PXDNL: variants seen among roughly 807,000 people sequenced by gnomAD.
PXDNL encodes probable oxidoreductase PXDNL.
PXDNL carries 145 observed loss-of-function variants against 150.8 expected under a neutral mutation model. The ratio of observed to expected loss-of-function variants is 0.96; its 90% CI spans 0.84 to 1.10. The LOEUF is 1.10. PXDNL is among the 50% of genes least tolerant of loss of function. PXDNL has a pLI of 0.00. For synonymous variants in PXDNL, 757 were observed against 725.7 expected, an observed-to-expected ratio of 1.04 and a Z score of -0.69; for missense variants, 2,087 against 1,873.9, an observed-to-expected ratio of 1.11 and a Z score of -2.10.
At chr8:51,487,131 T>A (rs186383020) in intron 5 of PXDNL, among the ~76,000 whole-genome samples, 2 of 152,062 alleles carry the variant, frequency 1.3e-5, no homozygotes, top group Non-Finnish European at 2.9e-5. Flanking sequence ...CTGTCTTCTG[T>A]CAAAGATGCT....
chr8:51,670,563 AAT>A (rs1273084751), intron 1 of PXDNL, among the ~76,000 whole-genome samples: 3 of 152,212 alleles, frequency 2.0e-5, no homozygotes, highest in African/African-American at 7.2e-5. Flanking sequence ...GTATAATAAA[AAT>A]ATGATATTAT....
chr8:51,398,648 G>A (rs988747205), intron 17 of PXDNL, among the ~76,000 whole-genome samples: 1 of 152,208 alleles, frequency 6.6e-6, no homozygotes, highest in South Asian at 2.1e-4. Context: ...CGGAGCTTAG[G>A]CAACATTCCT....
At position 51,583,379 on chromosome 8, in the gene PXDNL, G is replaced by A. The variant is rs1585598073; in HGVS notation, c.308+9248C>T. Among the ~76,000 whole-genome samples, 3 of 152,220 alleles carry A rather than the reference G, an allele frequency of 2.0e-5. No homozygotes were observed. The South Asian group carries it at 6.2e-4, about 32-fold the overall frequency. On this transcript the variant is annotated intron_variant, in intron 3 of 22. Transcript: ENST00000356297. ...GCTTCCTTATCAATCTTGAAAGGTT[G>A]CATGTTTCTAGAAATCTCTTTCTTC...
At position 51,730,103 on chromosome 8, in the gene PXDNL, C is replaced by A. The variant is rs561840926; in HGVS notation, c.165-75343G>T. On this transcript the variant is annotated intron_variant, in intron 1 of 22. Transcript: ENST00000356297. ...CCCTAGAGTGTACACCAAGAGTGAA[C>A]CCAAGTGATAACTATGAACTTTAAG... is the stretch of plus-strand genomic sequence containing the variant. Among the ~76,000 whole-genome samples the A allele has an allele frequency of 3.3e-5, 5 of 152,168 alleles. No homozygotes were observed. In the East Asian group the frequency reaches 9.6e-4, roughly 29 times the overall value.
intron 19 of PXDNL, among the ~76,000 whole-genome samples, chr8:51,355,799 G>T (rs79234892): frequency 0.017 from 2,588 of 152,268 alleles, 85 homozygotes; most frequent in African/African-American, 0.059. Context: ...ATTATGCAAA[G>T]ACTCTTGATC....
intron 21 of PXDNL, among the ~76,000 whole-genome samples, chr8:51,337,329 T>A (rs1255683936): frequency 1.3e-5 from 2 of 152,162 alleles, no homozygotes; most frequent in South Asian, 2.1e-4. Flanking sequence ...TAAATTAAAT[T>A]TATGAAAAAA....
Position 51,447,048 on chromosome 8 carries a change from A to T in PXDNL, c.1481T>A (p.Leu494Ter). ...CTGCACAGACACCTTTTTCACCCCC[A>T]ACGAACTGACTGCTTGACATTCATA... ...GQYECQAVSS[L>*]GVKKVSVQLT... Residue 494 changes from leucine to a stop codon, truncating the protein, a stop_gained, in exon 12 of 23, where the codon TTG (leucine) becomes TAG (stop). Transcript: ENST00000356297. LOFTEE classifies it high-confidence loss of function. 1 of 1,613,912 alleles carries T rather than the reference A, an allele frequency of 6.2e-7. No individual in the cohort carries two copies. The highest frequency in any genetic ancestry group is 8.5e-7 in the Non-Finnish European group (1 of 1,179,870).
chr8:51,739,862 C>G (rs540017643), intron 1 of PXDNL, among the ~76,000 whole-genome samples: 1 of 118,094 alleles, frequency 8.5e-6, no homozygotes, highest in East Asian at 2.5e-4. Flanking sequence ...AGAAAAAGAG[C>G]GAGATTCTGT....
At chr8:51,541,254 A>T (rs1812210643) in intron 4 of PXDNL, among the ~76,000 whole-genome samples, 1 of 44,338 alleles carries the variant, frequency 2.3e-5, no homozygotes, top group South Asian at 6.9e-4. Context: ...GAGACTCCAT[A>T]AAAAAAAAAA....
intron 1 of PXDNL, among the ~76,000 whole-genome samples, chr8:51,709,743 T>C (rs1424391139): frequency 6.6e-6 from 1 of 152,222 alleles, no homozygotes; most frequent in East Asian, 1.9e-4. Flanking sequence ...AGGATATCCA[T>C]GTACTTAACT....
At chr8:51,661,707 G>A (rs1281579020) in intron 1 of PXDNL, among the ~76,000 whole-genome samples, 1 of 152,138 alleles carries the variant, frequency 6.6e-6, no homozygotes, top group Non-Finnish European at 1.5e-5. Context: ...CCTGCTCCCT[G>A]GTGTGCAGCT....
chr8:51,548,996 C>A (rs1427065259), intron 4 of PXDNL, among the ~76,000 whole-genome samples: 1 of 152,088 alleles, frequency 6.6e-6, no homozygotes, highest in African/African-American at 2.4e-5. Context: ...GGATTTCATG[C>A]AAATGGAAAC....
At chr8:51,339,854 C>T in intron 20 of PXDNL, 101 bp from the exon 21 acceptor site, 1 of 1,128,318 alleles carries the variant, frequency 8.9e-7, no homozygotes, top group Non-Finnish European at 1.3e-6. Context: ...ATGTACAAGG[C>T]ATTGTGATTG....
chr8:51,739,937 T>C (rs1256980567), intron 1 of PXDNL, among the ~76,000 whole-genome samples: 1 of 151,258 alleles, frequency 6.6e-6, no homozygotes, highest in Non-Finnish European at 1.5e-5. Context: ...GAATTCACAA[T>C]CTGAAACACA....
At chr8:51,591,340 T>G (rs1392619793) in intron 3 of PXDNL, among the ~76,000 whole-genome samples, 6 of 152,198 alleles carry the variant, frequency 3.9e-5, no homozygotes, top group Non-Finnish European at 8.8e-5. Flanking sequence ...TTGACTAAAC[T>G]AAGAGGAAAC....
chr8:51,667,493 T>C (rs1248492462), intron 1 of PXDNL, among the ~76,000 whole-genome samples: 1 of 152,216 alleles, frequency 6.6e-6, no homozygotes, highest in African/African-American at 2.4e-5. Flanking sequence ...ATAGTTGCCC[T>C]CTTTTCTTCA....
chr8:51,799,093 T>C (rs913517533), intron 1 of PXDNL, among the ~76,000 whole-genome samples: 1 of 152,200 alleles, frequency 6.6e-6, no homozygotes, highest in South Asian at 2.1e-4. Flanking sequence ...TGCAGGGACA[T>C]GGATGGAGCT....
intron 4 of PXDNL, among the ~76,000 whole-genome samples, chr8:51,508,759 T>C (rs1165350403): frequency 6.6e-6 from 1 of 152,182 alleles, no homozygotes; most frequent in Non-Finnish European, 1.5e-5. Context: ...GCCAGCCCCA[T>C]GCCCATGTGG....
rs897302275 is a variant in PXDNL at position 51,494,185 on chromosome 8, T to C, written c.452+5514A>G. Among the ~76,000 whole-genome samples the C allele has an allele frequency of 3.5e-3, 532 of 152,214 alleles. 6 individuals are homozygous for C. Among genetic ancestry groups the C allele is most frequent in the African/African-American group, 0.012 (510 of 41,530 alleles). ...ATTTCATATCCAGCCAAACTAAGCT[T>C]CATAACTGAAGGATAAATAAAATAC... On this transcript the variant is annotated intron_variant, in intron 5 of 22. Transcript: ENST00000356297.
Sources: allele counts gnomAD v4.1 joint callset (sites outside exome capture counted in the v4.1 genomes callset), GRCh38; gene constraint gnomAD v4.1.1; transcripts MANE v1.5; gene names NCBI Gene and HGNC (gene_info 2026-07-23, HGNC 2026-07-21).